Variants in VAV3 observed in about 807,000 individuals in gnomAD.
VAV3 encodes the protein guanine nucleotide exchange factor VAV3.
Under a neutral mutation model 131.2 loss-of-function variants are expected in VAV3, and 94 were observed. That is an observed-to-expected ratio of 0.72 (90% CI 0.61 to 0.85). The LOEUF (loss-of-function observed/expected upper bound fraction) is 0.85. Ranked by LOEUF, VAV3 falls within the 40% of genes least tolerant of loss-of-function variation. VAV3 has a pLI of 0.00. For synonymous variants in VAV3, 349 were observed against 342.0 expected (o/e 1.02, Z -0.22); for missense variants, 939 against 1,002.7 (o/e 0.94, Z 0.86).
At chr1:107,587,573 G>A (rs1304823817) in intron 25 of VAV3, among the ~76,000 whole-genome samples, 1 of 152,178 alleles carries the variant, frequency 6.6e-6, no homozygotes, top group African/African-American at 2.4e-5. Flanking sequence ...TTGTATGTAT[G>A]TATGTATGCA....
rs1675372603 is a variant in VAV3 at position 107,965,123 on chromosome 1, C to G, written c.-254G>C. 1 of 150,316 alleles carries G rather than the reference C, an allele frequency of 6.7e-6. No homozygotes were observed. The highest frequency in any genetic ancestry group is 1.5e-5 in the Non-Finnish European group (1 of 68,366). 9.3% of individuals were successfully genotyped at this position (150,316 alleles called of 1,614,324 possible). ...CCCGCGCGCTCTCCGTGCGCCCCGG[C>G]CGGCTCGGCGGCGGCTGCCGCGCAC... On this transcript the variant is annotated 5_prime_UTR_variant, in exon 1 of 27. Transcript: ENST00000370056.
At chr1:107,695,421 TAGG>T (rs1279457166) in intron 17 of VAV3, among the ~76,000 whole-genome samples, 4 of 151,952 alleles carry the variant, frequency 2.6e-5, no homozygotes, top group Non-Finnish European at 1.5e-5. Flanking sequence ...TAGAGAGACT[TAGG>T]AGGAGAGCTA....
At chr1:107,662,994 A>G (rs1429274995) in intron 19 of VAV3, among the ~76,000 whole-genome samples, 2 of 152,194 alleles carry the variant, frequency 1.3e-5, no homozygotes, top group African/African-American at 4.8e-5. Flanking sequence ...TGGGTTTTCA[A>G]TTACAGTTCT....
chr1:107,720,447 T>C (rs1002163914), intron 15 of VAV3, among the ~76,000 whole-genome samples: 10 of 63,678 alleles, frequency 1.6e-4, no homozygotes, highest in African/African-American at 5.4e-4. Context: ...CATCTGTTAA[T>C]ATTGCTAAAA....
chr1:107,852,857 TAA>T (rs1669289733), intron 2 of VAV3, among the ~76,000 whole-genome samples: 2 of 152,182 alleles, frequency 1.3e-5, no homozygotes, highest in South Asian at 2.1e-4. Context: ...CCACTCTATC[TAA>T]AAGAGTGCAT....
At chr1:107,582,405 G>A (rs1409687612) in intron 25 of VAV3, among the ~76,000 whole-genome samples, 1 of 151,916 alleles carries the variant, frequency 6.6e-6, no homozygotes, top group Non-Finnish European at 1.5e-5. Flanking sequence ...ACTGCTTATT[G>A]TATATATATA....
intron 15 of VAV3, among the ~76,000 whole-genome samples, chr1:107,746,647 G>T (rs72705642): frequency 0.09 from 13,721 of 152,154 alleles, 739 homozygotes; most frequent in Admixed American, 0.17. Context: ...CTAGAATAAA[G>T]GTTTTATTTG....
rs559933746 is a variant in VAV3 at position 107,573,989 on chromosome 1, A to C, written c.2502+58T>G. 1.9e-6 allele frequency: 3 copies of C among 1,591,520 alleles called. No individual in the cohort carries two copies. In the South Asian group the frequency reaches 3.5e-5, roughly 19 times the overall value. ...TCTCCCTGGTGCCACAATGGGTGCA[A>C]ACAACTGCTCAGTCCCCTTCTTTCA... On this transcript the variant is annotated intron_variant, in intron 26 of 26. Transcript: ENST00000370056.
At chr1:107,874,853 T>A in intron 2 of VAV3, 48 bp downstream of exon 2, 1 of 1,525,092 alleles carries the variant, frequency 6.6e-7, no homozygotes, top group Non-Finnish European at 9.1e-7. Flanking sequence ...ACAATTTGCT[T>A]AAATGCTTTC....
At chr1:107,839,246 C>A (rs1033842717) in intron 2 of VAV3, among the ~76,000 whole-genome samples, 16 of 152,092 alleles carry the variant, frequency 1.1e-4, no homozygotes, top group Admixed American at 1.3e-4. Flanking sequence ...AAGCTTATGA[C>A]CAAATACAAA....
At chr1:107,802,004 G>A (rs1183071189) in intron 2 of VAV3, among the ~76,000 whole-genome samples, 1 of 151,800 alleles carries the variant, frequency 6.6e-6, no homozygotes, top group Non-Finnish European at 1.5e-5. Flanking sequence ...ATGGAGTTTT[G>A]TTACATAGGT....
chr1:107,799,123 T>C (rs531568503), intron 2 of VAV3, among the ~76,000 whole-genome samples: 1 of 152,332 alleles, frequency 6.6e-6, no homozygotes, highest in South Asian at 2.1e-4. Flanking sequence ...ATGATAATTA[T>C]AGAACTTTGA....
chr1:107,712,893 G>T (rs1660869217), intron 15 of VAV3, among the ~76,000 whole-genome samples: 1 of 152,148 alleles, frequency 6.6e-6, no homozygotes, highest in Non-Finnish European at 1.5e-5. Context: ...GACCTTGTCG[G>T]TGTATTACCA....
In VAV3 at chr1:107,705,007, A is replaced by G. The variant is rs138228452; in HGVS notation, c.1557T>C (p.His519=). The change falls in exon 16 of 27, where the codon CAT becomes CAC. Residue 519 remains histidine, a synonymous_variant. Coordinates refer to ENST00000370056, the MANE Select transcript of VAV3 (RefSeq NM_006113.5). Reference sequence around the variant, plus strand: ...TGCAGGATGTGACTCGAGTGAAGGTATGCATCTTGAAGTCGTGGAAATTGG... The same window carrying G: ...TGCAGGATGTGACTCGAGTGAAGGTGTGCATCTTGAAGTCGTGGAAATTGG... ...ADSNFHDFKM[H]TFTRVTSCKV... 2.5e-6 allele frequency: 4 copies of G among 1,613,844 alleles called. No individual in the cohort carries two copies. The African/African-American group carries it at 5.3e-5, about 22-fold the overall frequency.
chr1:107,808,751 A>C (rs2102324443), intron 2 of VAV3, among the ~76,000 whole-genome samples: 1 of 152,304 alleles, frequency 6.6e-6, no homozygotes, highest in African/African-American at 2.4e-5. Flanking sequence ...AATATTCCAT[A>C]GTATAAGAGG....
chr1:107,633,886 C>T (rs34256225), intron 20 of VAV3, among the ~76,000 whole-genome samples: 56,178 of 151,826 alleles, frequency 0.37, 10,548 homozygotes, highest in South Asian at 0.46. Flanking sequence ...CCTGTGGACA[C>T]GGGCATTCGA....
intron 1 of VAV3, among the ~76,000 whole-genome samples, chr1:107,927,110 C>G (rs1286958779): frequency 2.0e-5 from 3 of 152,198 alleles, no homozygotes; most frequent in Non-Finnish European, 4.4e-5. Flanking sequence ...GATACCAGCT[C>G]AGCCACAGCA....
At chr1:107,731,120 C>T (rs539147153) in intron 15 of VAV3, among the ~76,000 whole-genome samples, 146 of 152,282 alleles carry the variant, frequency 9.6e-4, no homozygotes, top group African/African-American at 3.3e-3. Flanking sequence ...TCTAAATACT[C>T]TTAACATTAA....
intron 2 of VAV3, among the ~76,000 whole-genome samples, chr1:107,840,333 C>G (rs1229911794): frequency 1.3e-5 from 2 of 151,332 alleles, no homozygotes; most frequent in African/African-American, 4.9e-5. Context: ...TACAAAACAA[C>G]ATGTATATTT....
Sources: gnomAD v4.1 joint callset for allele counts (sites outside exome capture counted in the v4.1 genomes callset) on GRCh38, gnomAD v4.1.1 for gene constraint, MANE v1.5 for transcripts, NCBI Gene and HGNC (gene_info 2026-07-23, HGNC 2026-07-21) for gene names.